TYR: variants seen among roughly 807,000 people sequenced by gnomAD.
TYR encodes LB24-AB.
Under a neutral mutation model 51.5 loss-of-function variants are expected in TYR, and 58 were observed. The observed-to-expected ratio is 1.13, with a 90% CI of 0.91 to 1.40. TYR has a LOEUF of 1.40. Ranked by LOEUF, TYR falls within the 40% of genes most tolerant of loss-of-function variation. The pLI is 0.00. For missense variants in TYR, 732 were observed against 647.4 expected (o/e 1.13, Z -1.42); for synonymous variants, 263 against 235.2 (o/e 1.12, Z -1.08).
intron 1 of TYR, among the ~76,000 whole-genome samples, chr11:89,185,790 G>T (rs1943363903): frequency 2.6e-5 from 4 of 151,984 alleles, no homozygotes; most frequent in Non-Finnish European, 4.4e-5. Flanking sequence ...GAATTTAAGT[G>T]ATGCATTCAT....
Position 89,212,666 on chromosome 11 carries a change from GA to G in TYR, c.1037-15155del, listed in dbSNP as rs755518924. 4.5e-4 allele frequency among the ~76,000 whole-genome samples: 68 copies of G among 152,290 alleles called. 1 individual carries two copies. The highest frequency in any genetic ancestry group is 1.9e-3 in the South Asian group (9 of 4,832). On this transcript the variant is annotated intron_variant, in intron 2 of 4. Coordinates refer to ENST00000263321, the MANE Select transcript of TYR (RefSeq NM_000372.5). ...AGAATTTTAGGCCAATATCCCTGAT[GA>G]ACATCGATGCGAAAATCCTCAATAA...
At chr11:89,236,273 G>T (rs1190652596) in intron 3 of TYR, among the ~76,000 whole-genome samples, 2 of 151,470 alleles carry the variant, frequency 1.3e-5, no homozygotes, top group Non-Finnish European at 2.9e-5. Flanking sequence ...AAGAGAAAGA[G>T]GTTTTTTCTG....
At chr11:89,196,796 A>G (rs1943525295) in intron 2 of TYR, among the ~76,000 whole-genome samples, 1 of 152,190 alleles carries the variant, frequency 6.6e-6, no homozygotes. Context: ...CATCAAGGGA[A>G]AACCTACCCC....
chr11:89,232,426 T>G (rs1425176210), intron 3 of TYR, among the ~76,000 whole-genome samples: 2 of 143,440 alleles, frequency 1.4e-5, no homozygotes, highest in Non-Finnish European at 3.0e-5. Flanking sequence ...GGCCATAATC[T>G]GAAGTAAATT....
At position 89,231,032 on chromosome 11, in the gene TYR, G is replaced by T. The variant is rs534819982; in HGVS notation, c.1184+3062G>T. Among the ~76,000 whole-genome samples the T allele has an allele frequency of 1.8e-4, 28 of 151,638 alleles. No individual in the cohort carries two copies. The East Asian group carries it at 5.4e-3, about 29-fold the overall frequency. ...CTAAAAATAGAAAAATTAGCCATGG[G>T]TGGTGGCAGACGCATGTAATCCCAG... On this transcript the variant is annotated intron_variant, in intron 3 of 4. Transcript: ENST00000263321.
At chr11:89,219,296 CTTT>C (rs35311585) in intron 2 of TYR, among the ~76,000 whole-genome samples, 8 of 139,010 alleles carry the variant, frequency 5.8e-5, no homozygotes, top group African/African-American at 5.2e-5. Flanking sequence ...GACAGAGTGA[CTTT>C]TTTTTTTTTT....
chr11:89,206,972 A>T (rs1413692636), intron 2 of TYR, among the ~76,000 whole-genome samples: 2 of 152,116 alleles, frequency 1.3e-5, no homozygotes, highest in African/African-American at 2.4e-5. Context: ...CATACTATAA[A>T]ATTGTGCTGA....
At chr11:89,215,483 T>C (rs1943819887) in intron 2 of TYR, among the ~76,000 whole-genome samples, 1 of 152,016 alleles carries the variant, frequency 6.6e-6, no homozygotes, top group Admixed American at 6.6e-5. Context: ...ACAAACCTGC[T>C]CATTGTGTAC....
chr11:89,214,634 T>A (rs1163739899), intron 2 of TYR, among the ~76,000 whole-genome samples: 1 of 152,200 alleles, frequency 6.6e-6, no homozygotes. Context: ...CCAACCCAAA[T>A]GTCCATCAAT....
intron 3 of TYR, among the ~76,000 whole-genome samples, chr11:89,237,376 A>T (rs1041053413): frequency 1.6e-4 from 25 of 152,022 alleles, no homozygotes; most frequent in Non-Finnish European, 7.4e-5. Flanking sequence ...TTTGATTTTT[A>T]TATATGGTGT....
At chr11:89,278,506 G>C (rs1944683698) in intron 3 of TYR, among the ~76,000 whole-genome samples, 2 of 151,324 alleles carry the variant, frequency 1.3e-5, no homozygotes, top group Non-Finnish European at 3.0e-5. Context: ...AGTTTTTTTT[G>C]TGTGTGCTCA....
intron 3 of TYR, among the ~76,000 whole-genome samples, chr11:89,267,566 A>T (rs1944540284): frequency 6.6e-6 from 1 of 151,968 alleles, no homozygotes; most frequent in Non-Finnish European, 1.5e-5. Context: ...TTGAAGAAAC[A>T]TAATATATTC....
rs1348805887 is a variant in TYR at position 89,192,689 on chromosome 11, G to T, written c.1036+1271G>T. Among the ~76,000 whole-genome samples, 8 of 152,196 alleles carry T rather than the reference G, an allele frequency of 5.3e-5. No individual in the cohort carries two copies. In the East Asian group the frequency reaches 1.5e-3, roughly 29 times the overall value. On this transcript the variant is annotated intron_variant, in intron 2 of 4. Transcript: ENST00000263321. ...ATTCTGTTTTCCAGCTATGAAAATA[G>T]AAATTAGGTTTATTCTTCTATGGTA...
chr11:89,210,040 A>G (rs188186095), intron 2 of TYR, among the ~76,000 whole-genome samples: 2 of 152,322 alleles, frequency 1.3e-5, no homozygotes, highest in African/African-American at 4.8e-5. Context: ...TGAAAATTCC[A>G]AAAACCAGAA....
chr11:89,193,669 T>C (rs975710669), intron 2 of TYR, among the ~76,000 whole-genome samples: 6 of 152,126 alleles, frequency 3.9e-5, no homozygotes, highest in African/African-American at 1.4e-4. Flanking sequence ...ATGAAGTCCA[T>C]GTCATGAGAG....
At chr11:89,231,318 A>AAAACAATTACCATGG (rs1555091519) in intron 3 of TYR, among the ~76,000 whole-genome samples, 2 of 106,128 alleles carry the variant, frequency 1.9e-5, no homozygotes, top group African/African-American at 4.8e-5. Flanking sequence ...CTGGGCATGT[A>AAAACAATTACCATGG]TCGAAAGGGA....
intron 1 of TYR, among the ~76,000 whole-genome samples, chr11:89,185,182 G>A (rs758068707): frequency 6.6e-6 from 1 of 152,004 alleles, no homozygotes; most frequent in Non-Finnish European, 1.5e-5. Context: ...GTCTGGCTTA[G>A]TATCCTCATC....
At chr11:89,206,661 T>TAAG (rs1555087592) in intron 2 of TYR, among the ~76,000 whole-genome samples, 1 of 151,476 alleles carries the variant, frequency 6.6e-6, no homozygotes. Context: ...TTCCATTCAA[T>TAAG]AACAACAACA....
chr11:89,274,308 A>G (rs1319580205), intron 3 of TYR, among the ~76,000 whole-genome samples: 1 of 151,986 alleles, frequency 6.6e-6, no homozygotes, highest in Non-Finnish European at 1.5e-5. Context: ...ATTCACAAAT[A>G]GCAAAAATTT....
Sources: gnomAD v4.1 joint callset for allele counts (sites outside exome capture counted in the v4.1 genomes callset) on GRCh38, gnomAD v4.1.1 for gene constraint, MANE v1.5 for transcripts, NCBI Gene and HGNC (gene_info 2026-07-23, HGNC 2026-07-21) for gene names.